CBFB: variants seen among roughly 807,000 people sequenced by gnomAD.
The protein encoded by CBFB is CBF-beta.
In CBFB, 9 loss-of-function variants were observed where a neutral mutation model predicts 30.4. The observed-to-expected ratio is 0.30, with a 90% CI of 0.18 to 0.52. CBFB has a LOEUF of 0.52. Ranked by LOEUF, CBFB falls within the 20% of genes least tolerant of loss-of-function variation. The probability of loss-of-function intolerance (pLI) is 0.97; values close to 1 mark genes in which losing one functional copy is unlikely to be tolerated. For missense variants in CBFB, 170 were observed against 244.0 expected (o/e 0.70, Z 2.02); for synonymous variants, 94 against 84.0 (o/e 1.12, Z -0.65).
At chr16:67,057,421 A>AT (rs879629870) in intron 3 of CBFB, among the ~76,000 whole-genome samples, 209 of 151,832 alleles carry the variant, frequency 1.4e-3, no homozygotes, top group Middle Eastern at 3.4e-3. Context: ...TTGTAATAGA[A>AT]TTTTTTTTTA....
intron 4 of CBFB, among the ~76,000 whole-genome samples, chr16:67,074,347 T>A (rs2145760428): frequency 6.6e-6 from 1 of 151,976 alleles, no homozygotes; most frequent in Middle Eastern, 3.4e-3. Context: ...AAAATCAATT[T>A]CAGATGGATA....
At chr16:67,088,240 G>A (rs1441167184) in intron 5 of CBFB, among the ~76,000 whole-genome samples, 1 of 151,940 alleles carries the variant, frequency 6.6e-6, no homozygotes, top group Non-Finnish European at 1.5e-5. Context: ...TTGCTTCTTT[G>A]TCTTTTTTTT....
chr16:67,082,433 T>G lies in CBFB; in HGVS notation c.495+125T>G, dbSNP rs1047249245. On this transcript the variant is annotated intron_variant, in intron 5 of 5. Transcript: ENST00000412916. ...AATTTTGTCTTTCATTTTTAAAAAG[T>G]TGTACTCTCTGGCTTTGTGTTTATT... 5.9e-6 allele frequency: 7 copies of G among 1,189,588 alleles called. No individual in the cohort carries two copies. In the African/African-American group the frequency reaches 9.1e-5, roughly 16 times the overall value. 73.7% of individuals were successfully genotyped at this position (1,189,588 alleles called of 1,614,324 possible).
chr16:67,036,507 G>GT (rs560508634), intron 2 of CBFB, 132 bp from the exon 3 acceptor site: 559 of 583,420 alleles, frequency 9.6e-4, no homozygotes, highest in South Asian at 1.9e-3. Flanking sequence ...ATGAGTGCAT[G>GT]TTTTTTTTTA....
intron 4 of CBFB, among the ~76,000 whole-genome samples, chr16:67,075,742 C>G (rs536007285): frequency 1.6e-4 from 24 of 152,172 alleles, no homozygotes; most frequent in Middle Eastern, 3.4e-3. Flanking sequence ...TTATAAAGTG[C>G]GTGGTCACAC....
At chr16:67,095,838 G>A (rs924473549) in intron 5 of CBFB, among the ~76,000 whole-genome samples, 7 of 151,820 alleles carry the variant, frequency 4.6e-5, no homozygotes, top group Non-Finnish European at 1.0e-4. Flanking sequence ...GAATACAGGC[G>A]CATGCCACCA....
chr16:67,096,477 A>G (rs1454865956), intron 5 of CBFB, among the ~76,000 whole-genome samples: 5 of 151,622 alleles, frequency 3.3e-5, no homozygotes, highest in Admixed American at 3.3e-4. Flanking sequence ...ATATATATAT[A>G]TGTATATATA....
At chr16:67,076,881 T>C (rs1961413673) in intron 4 of CBFB, among the ~76,000 whole-genome samples, 2 of 152,118 alleles carry the variant, frequency 1.3e-5, no homozygotes, top group Non-Finnish European at 2.9e-5. Flanking sequence ...TTTCTAAAAA[T>C]CCAGTGTGTA....
chr16:67,077,787 A>C (rs892743072), intron 4 of CBFB, among the ~76,000 whole-genome samples: 2 of 152,270 alleles, frequency 1.3e-5, no homozygotes, highest in African/African-American at 4.8e-5. Flanking sequence ...AAATAAAGAC[A>C]CAATTTAAAT....
At chr16:67,098,098 G>A (rs1378817547) in intron 5 of CBFB, among the ~76,000 whole-genome samples, 1 of 151,142 alleles carries the variant, frequency 6.6e-6, no homozygotes, top group Non-Finnish European at 1.5e-5. Flanking sequence ...TGTAAATATA[G>A]ATTTGTTGTG....
intron 3 of CBFB, among the ~76,000 whole-genome samples, chr16:67,043,180 G>A (rs1966560704): frequency 6.6e-6 from 1 of 152,210 alleles, no homozygotes. Flanking sequence ...GATTACACAG[G>A]GGTGTGAATA....
rs1348617854 is a variant in CBFB, at chr16:67,066,669, T to C, written c.283-13T>C. Reference sequence around the variant, plus strand: ...ATGGTTTTCAATTATTTTCATCCTTTTCTGTGTCTTAGGTATATTTGAAGG... The same window carrying C: ...ATGGTTTTCAATTATTTTCATCCTTCTCTGTGTCTTAGGTATATTTGAAGG... On this transcript the variant is annotated splice_polypyrimidine_tract_variant and intron_variant, in intron 3 of 5. Transcript: ENST00000412916. The C allele has an allele frequency of 1.4e-6, 2 of 1,383,680 alleles. No homozygotes were observed. The highest frequency in any genetic ancestry group is 1.4e-5 in the African/African-American group (1 of 70,298). The allele number at this position is 1,383,680 out of a possible 1,614,324, so 85.7% of individuals were successfully genotyped here. A position where few individuals can be genotyped will look rare whatever the true frequency, so the allele number is the denominator to read the frequency against.
chr16:67,093,474 G>T (rs1240910670), intron 5 of CBFB: 2 of 138,332 alleles, frequency 1.4e-5, no homozygotes, highest in African/African-American at 5.5e-5. Flanking sequence ...GGCTGTTTCT[G>T]CATAGCTCTG....
At chr16:67,032,976 G>A (rs1354891836) in intron 2 of CBFB, among the ~76,000 whole-genome samples, 1 of 152,110 alleles carries the variant, frequency 6.6e-6, no homozygotes, top group Non-Finnish European at 1.5e-5. Flanking sequence ...CCATGTTCAA[G>A]TGATTGTCTT....
intron 5 of CBFB, among the ~76,000 whole-genome samples, chr16:67,098,126 GT>G (rs1007326209): frequency 1.6e-4 from 24 of 151,590 alleles, no homozygotes; most frequent in African/African-American, 5.3e-4. Context: ...TTGTTTGTTT[GT>G]TTGTTTGTTT....
At position 67,099,730 on chromosome 16, in the gene CBFB, G is replaced by T. The variant is rs1458262859; in HGVS notation, c.*952G>T. ...TTTTTTTAAAAAGTCAATCAGAAAA[G>T]GGATACTGGAGCTTCTTCATGTATG... is the stretch of plus-strand genomic sequence containing the variant. On this transcript the variant is annotated 3_prime_UTR_variant, in exon 6 of 6. Transcript: ENST00000412916. The T allele has an allele frequency of 3.9e-5, 8 of 204,674 alleles. No individual in the cohort carries two copies. The Admixed American group carries it at 4.8e-4, about 12-fold the overall frequency. 12.7% of individuals were successfully genotyped at this position (204,674 alleles called of 1,614,324 possible). A position where few individuals can be genotyped will look rare whatever the true frequency, so the allele number is the denominator to read the frequency against.
At chr16:67,048,185 T>C (rs1337133076) in intron 3 of CBFB, among the ~76,000 whole-genome samples, 2 of 152,134 alleles carry the variant, frequency 1.3e-5, no homozygotes, top group Non-Finnish European at 2.9e-5. Context: ...AAGGTTGCAG[T>C]GAGCAGAGAT....
At chr16:67,082,457 T>C (rs1156822827) in intron 5 of CBFB, 149 bp downstream of exon 5, 1 of 806,250 alleles carries the variant, frequency 1.2e-6, no homozygotes, top group African/African-American at 1.7e-5. Flanking sequence ...TTTGTGTTTA[T>C]TAAATGTAAT....
intron 4 of CBFB, among the ~76,000 whole-genome samples, chr16:67,070,480 C>CTT (rs1310433921): frequency 6.6e-6 from 1 of 152,158 alleles, no homozygotes; most frequent in African/African-American, 2.4e-5. Flanking sequence ...ATCTAAAAGT[C>CTT]TATTTTCTGT....
Sources: allele counts gnomAD v4.1 joint callset (sites outside exome capture counted in the v4.1 genomes callset), GRCh38; gene constraint gnomAD v4.1.1; transcripts MANE v1.5; gene names NCBI Gene and HGNC (gene_info 2026-07-23, HGNC 2026-07-21).